HSP90AA1: variants seen among roughly 807,000 people sequenced by gnomAD.
HSP90AA1 encodes the protein heat shock protein HSP 90-alpha.
Under a neutral mutation model 73.3 loss-of-function variants are expected in HSP90AA1, and 18 were observed. The ratio of observed to expected loss-of-function variants is 0.25; its 90% CI spans 0.17 to 0.36. The LOEUF is 0.36. Ranked by LOEUF, HSP90AA1 falls within the 10% of genes least tolerant of loss-of-function variation. The probability of loss-of-function intolerance (pLI) is 1.00; values close to 1 mark genes in which losing one functional copy is unlikely to be tolerated. For synonymous variants in HSP90AA1, 477 were observed against 296.9 expected, an observed-to-expected ratio of 1.61 and a Z score of -6.24; for missense variants, 704 against 874.2, an observed-to-expected ratio of 0.81 and a Z score of 2.45.
chr14:102,095,875 A>G (rs751267392), intron 2 of HSP90AA1, among the ~76,000 whole-genome samples: 1 of 151,994 alleles, frequency 6.6e-6, no homozygotes, highest in Non-Finnish European at 1.5e-5. Context: ...TCTATTCTAC[A>G]TTCCCGTTTT....
At position 102,086,262 on chromosome 14, in the gene HSP90AA1, C is replaced by T. The variant is rs746809598; in HGVS notation, c.117G>A (p.Ser39=). ...GCTCTCTCAGAAAGATCTCTTTGTTCGAGTAGAAAGTATTGATGATCAATG... is the reference window on the plus strand; with the variant it reads ...GCTCTCTCAGAAAGATCTCTTTGTTTGAGTAGAAAGTATTGATGATCAATG... ...LMSLIINTFY[S]NKEIFLRELI... The change falls in exon 2 of 11, where the codon TCG becomes TCA. Residue 39 remains serine, a synonymous_variant. Transcript: ENST00000216281. The T allele has an allele frequency of 3.7e-6, 6 of 1,613,976 alleles. No individual in the cohort carries two copies. Among genetic ancestry groups the T allele is most frequent in the Non-Finnish European group, 5.1e-6 (6 of 1,180,014 alleles).
intron 1 of HSP90AA1, among the ~76,000 whole-genome samples, chr14:102,117,318 T>G (rs547804265): frequency 2.0e-4 from 31 of 152,142 alleles, no homozygotes; most frequent in African/African-American, 7.0e-4. Flanking sequence ...AGGTTGCCAG[T>G]CCCATGGACT....
At chr14:102,118,933 C>A (rs766390632) in intron 1 of HSP90AA1, among the ~76,000 whole-genome samples, 14 of 149,812 alleles carry the variant, frequency 9.3e-5, no homozygotes, top group Non-Finnish European at 8.9e-5. Context: ...CGGCTCACTG[C>A]AACCTCCACC....
rs1298974927 is a variant in HSP90AA1, at chr14:102,105,085, G to A, written c.156-3000C>T. Among the ~76,000 whole-genome samples the A allele has an allele frequency of 3.3e-5, 5 of 150,118 alleles. No homozygotes were observed. The South Asian group carries it at 8.5e-4, about 25-fold the overall frequency. ...CAGCCGTGTGTGATGGCACGCCCCT[G>A]TAGTCCCAGCTACTCAGGAGGCTGA... On this transcript the variant is annotated intron_variant, in intron 1 of 11. Transcript: ENST00000334701.
intron 1 of HSP90AA1, among the ~76,000 whole-genome samples, chr14:102,126,900 AT>A: frequency 6.6e-6 from 1 of 152,314 alleles, no homozygotes; most frequent in East Asian, 1.9e-4. Flanking sequence ...GAATTTTTAA[AT>A]TAACAAATGA....
chr14:102,087,262 A>T (rs1262422405), upstream of HSP90AA1: 5 of 426,590 alleles, frequency 1.2e-5, no homozygotes, highest in Non-Finnish European at 1.5e-5. Flanking sequence ...CCTTCCCTCA[A>T]TCGCCGCCGC....
chr14:102,139,686 C>T (rs1255091449), exon 1 of HSP90AA1: 3 of 673,568 alleles, frequency 4.5e-6, no homozygotes, highest in Non-Finnish European at 7.4e-6. Flanking sequence ...AGGCCACACC[C>T]GGGGGAGGAG....
chr14:102,110,188 C>T (rs2049621241), intron 1 of HSP90AA1, among the ~76,000 whole-genome samples: 1 of 152,132 alleles, frequency 6.6e-6, no homozygotes, highest in Non-Finnish European at 1.5e-5. Flanking sequence ...CTGCCTTGGC[C>T]TCCCAAAGTG....
At chr14:102,123,529 C>A (rs4999706) in intron 1 of HSP90AA1, among the ~76,000 whole-genome samples, 1 of 69,004 alleles carries the variant, frequency 1.4e-5, no homozygotes, top group African/African-American at 5.1e-5. Flanking sequence ...GTTTCTAAAA[C>A]CTTGTGGTTT....
chr14:102,112,653 AT>A (rs1215011309), intron 1 of HSP90AA1, among the ~76,000 whole-genome samples: 1 of 151,452 alleles, frequency 6.6e-6, no homozygotes, highest in Non-Finnish European at 1.5e-5. Flanking sequence ...TAAGTTTTAA[AT>A]TTTTTTGTAG....
chr14:102,087,050 G>T, upstream of HSP90AA1: 1 of 985,336 alleles, frequency 1.0e-6, no homozygotes, highest in Non-Finnish European at 1.2e-6. Context: ...CAACTGACGC[G>T]CCACCCCCGC....
At chr14:102,088,837 A>G (rs1566723444), upstream of HSP90AA1, among the ~76,000 whole-genome samples, 5 of 151,638 alleles carry the variant, frequency 3.3e-5, no homozygotes, top group South Asian at 1.0e-3. Context: ...AGTTTCTGCC[A>G]TTGCCCAGGG....
chr14:102,130,949 G>C (rs977981856), intron 1 of HSP90AA1, among the ~76,000 whole-genome samples: 2 of 152,090 alleles, frequency 1.3e-5, no homozygotes, highest in African/African-American at 4.8e-5. Flanking sequence ...GAACTTCTGG[G>C]TTCAAGTGAT....
chr14:102,139,261 C>T (rs1463031396), exon 1 of HSP90AA1: 3 of 1,614,030 alleles, frequency 1.9e-6, no homozygotes, highest in African/African-American at 1.3e-5. Context: ...TTCTCAGAAA[C>T]GGCGGCGAGG....
At chr14:102,088,321 G>T (rs1056860014), upstream of HSP90AA1, among the ~76,000 whole-genome samples, 4 of 152,116 alleles carry the variant, frequency 2.6e-5, no homozygotes, top group Admixed American at 6.5e-5. Flanking sequence ...CGCCTCCCAT[G>T]ATTGGGCCGC....
intron 1 of HSP90AA1, 65 bp downstream of exon 1, chr14:102,086,921 C>A (rs1595660585): frequency 1.1e-6 from 1 of 914,872 alleles, no homozygotes; most frequent in Non-Finnish European, 1.3e-6. Context: ...GCCTCCGCCC[C>A]GCGCCAGCCG....
chr14:102,085,784 C>A lies in HSP90AA1; in HGVS notation c.503G>T (p.Gly168Val). ...EQYAWESSAG[G>V]SFTVRTDTGE... ...TGTGTCTGTCCTCACTGTGAATGATCCCCCTGCTGAGGACTCCCAAGCGTA... is the reference window on the plus strand; with the variant it reads ...TGTGTCTGTCCTCACTGTGAATGATACCCCTGCTGAGGACTCCCAAGCGTA... Residue 168 changes from glycine (G) to valine (V), a missense_variant, in exon 3 of 11, where the codon GGA becomes GTA. Coordinates refer to ENST00000216281, the MANE Select transcript of HSP90AA1 (RefSeq NM_005348.4). 6.2e-7 allele frequency: 1 copy of A among 1,613,906 alleles called. No homozygotes were observed. The highest frequency in any genetic ancestry group is 2.2e-5 in the East Asian group (1 of 44,886).
At chr14:102,134,434 A>G (rs1254041431) in intron 1 of HSP90AA1, among the ~76,000 whole-genome samples, 1 of 151,952 alleles carries the variant, frequency 6.6e-6, no homozygotes, top group Non-Finnish European at 1.5e-5. Context: ...CGTGTCAGGA[A>G]TTGGTGGGTT....
intron 1 of HSP90AA1, among the ~76,000 whole-genome samples, chr14:102,115,336 T>G (rs2049693120): frequency 1.3e-5 from 2 of 151,276 alleles, no homozygotes; most frequent in African/African-American, 4.8e-5. Context: ...CTCTGTGTTT[T>G]ACTTTTACAA....
Sources: gnomAD v4.1 joint callset for allele counts (sites outside exome capture counted in the v4.1 genomes callset) on GRCh38, gnomAD v4.1.1 for gene constraint, MANE v1.5 for transcripts, NCBI Gene and HGNC (gene_info 2026-07-23, HGNC 2026-07-21) for gene names.